The following PHKB variants were observed in gnomAD, a reference collection of about 807,000 sequenced individuals.
PHKB encodes phosphorylase b kinase regulatory subunit beta.
Under a neutral mutation model 152.1 loss-of-function variants are expected in PHKB, and 122 were observed. The observed-to-expected ratio is 0.80, with a 90% confidence interval of 0.69 to 0.93. PHKB has a LOEUF of 0.93. Ranked by LOEUF, PHKB falls within the 40% of genes least tolerant of loss-of-function variation. The pLI, the probability that PHKB is intolerant of heterozygous loss-of-function variation, is 0.00. For missense variants in PHKB, 1,304 were observed against 1,328.4 expected (o/e 0.98, Z 0.29); for synonymous variants, 436 against 464.9 (o/e 0.94, Z 0.80).
At chr16:47,676,692 A>G (rs1369339701) in intron 26 of PHKB, among the ~76,000 whole-genome samples, 2 of 152,192 alleles carry the variant, frequency 1.3e-5, no homozygotes, top group African/African-American at 2.4e-5. Context: ...CTTTACTGCT[A>G]TCAGGCACTC....
Position 47,596,427 on chromosome 16 carries a change from A to T in PHKB, c.1259A>T (p.Glu420Val). The change falls in exon 13 of 31, where the codon GAA becomes GTA. Residue 420 changes from glutamate to valine, a missense_variant. By Grantham distance (121) the Glu-to-Val change is moderately radical. Transcript: ENST00000323584. Reference protein sequence around the residue: ...YYVPADFVEYEKNNPGSQKRF... With the variant: ...YYVPADFVEYVKNNPGSQKRF... ...GTGCCAGCTGACTTTGTAGAATATG[A>T]AAAAAATAACCCTGGTAGTCAAAAA... 2.5e-6 allele frequency: 4 copies of T among 1,611,508 alleles called. No individual in the cohort carries two copies. Among genetic ancestry groups the T allele is most frequent in the Non-Finnish European group, 3.4e-6 (4 of 1,177,660 alleles).
chr16:47,620,922 A>G (rs1972607021), intron 14 of PHKB, among the ~76,000 whole-genome samples: 1 of 152,120 alleles, frequency 6.6e-6, no homozygotes, highest in African/African-American at 2.4e-5. Flanking sequence ...GAAGGGCAGG[A>G]CAGTATAATC....
At chr16:47,565,784 T>C (rs1359944871) in intron 7 of PHKB, 4 of 1,489,976 alleles carry the variant, frequency 2.7e-6, no homozygotes, top group African/African-American at 2.8e-5. Flanking sequence ...GCTGTTCTAC[T>C]TCTCTTTCTC....
At chr16:47,686,604 A>T (rs997525162) in intron 26 of PHKB, among the ~76,000 whole-genome samples, 1 of 152,222 alleles carries the variant, frequency 6.6e-6, no homozygotes. Context: ...GGTAAGTGAC[A>T]GAATTGGTAT....
At chr16:47,682,953 C>T (rs1033106562) in intron 26 of PHKB, among the ~76,000 whole-genome samples, 9 of 152,136 alleles carry the variant, frequency 5.9e-5, no homozygotes, top group African/African-American at 1.9e-4. Context: ...GTGTGGATGT[C>T]CTTTCTGTTT....
At chr16:47,462,015 C>T (rs902168917) in intron 1 of PHKB, 15 of 152,906 alleles carry the variant, frequency 9.8e-5, no homozygotes, top group Admixed American at 6.5e-4. Context: ...TCTTAAGTGG[C>T]CCCAGGTTGT....
At chr16:47,658,089 A>G (rs1202574888) in intron 20 of PHKB, among the ~76,000 whole-genome samples, 1 of 152,134 alleles carries the variant, frequency 6.6e-6, no homozygotes, top group African/African-American at 2.4e-5. Context: ...AGTTCTTCAA[A>G]TGGTCTATGT....
At chr16:47,638,155 T>C (rs536108369) in intron 14 of PHKB, among the ~76,000 whole-genome samples, 1 of 152,150 alleles carries the variant, frequency 6.6e-6, no homozygotes, top group African/African-American at 2.4e-5. Flanking sequence ...AAGAAGGTGT[T>C]AAGTCACCTG....
At chr16:47,665,879 C>T (rs561816262) in intron 25 of PHKB, 15 of 1,093,180 alleles carry the variant, frequency 1.4e-5, no homozygotes, top group Admixed American at 3.4e-5. Context: ...CCAATCAGGG[C>T]CCCATGCATT....
chr16:47,660,108 C>T (rs1973411717), intron 20 of PHKB, among the ~76,000 whole-genome samples: 1 of 152,156 alleles, frequency 6.6e-6, no homozygotes, highest in South Asian at 2.1e-4. Context: ...ATGATCCACC[C>T]GCCTTGACAC....
chr16:47,543,591 G>A (rs534282835), intron 6 of PHKB, among the ~76,000 whole-genome samples: 1 of 152,136 alleles, frequency 6.6e-6, no homozygotes, highest in Non-Finnish European at 1.5e-5. Context: ...GCTGCTCCTT[G>A]TACCTCTGGT....
chr16:47,651,046 T>A, intron 20 of PHKB, 125 bp downstream of exon 20: 1 of 739,678 alleles, frequency 1.4e-6, no homozygotes, highest in South Asian at 1.5e-5. Context: ...CCTATCTTCC[T>A]ATTCCTATTG....
chr16:47,603,240 C>T (rs1367718976), intron 13 of PHKB, among the ~76,000 whole-genome samples: 1 of 152,094 alleles, frequency 6.6e-6, no homozygotes, highest in Non-Finnish European at 1.5e-5. Flanking sequence ...TCTTACTGCT[C>T]CGTTCAAGAT....
Position 47,588,913 on chromosome 16 carries a change from T to A in PHKB, c.879T>A (p.Asp293Glu). 1 of 1,613,594 alleles carries A rather than the reference T, an allele frequency of 6.2e-7. No individual in the cohort carries two copies. Among genetic ancestry groups the A allele is most frequent in the Non-Finnish European group, 8.5e-7 (1 of 1,179,596 alleles). Residue 293 changes from aspartate (D) to glutamate (E), a missense_variant, in exon 10 of 31, where the codon GAT becomes GAA. Asp to Glu is a conservative substitution (Grantham distance 45). Transcript: ENST00000323584. ...LPRESRSHNTDAALLPCISYP... is the reference protein window; with the variant it reads ...LPRESRSHNTEAALLPCISYP... ...TTTCTCATTGCCTCCAGAATACAGA[T>A]GCTGCCCTGCTCCCCTGCATCAGTT... is the stretch of plus-strand genomic sequence containing the variant.
chr16:47,540,561 C>T (rs1020953890), intron 6 of PHKB, among the ~76,000 whole-genome samples: 5 of 151,732 alleles, frequency 3.3e-5, no homozygotes, highest in Admixed American at 6.6e-5. Context: ...GTGATGTCAC[C>T]CCTGGCGGCC....
At chr16:47,565,632 G>A in intron 7 of PHKB, 4 of 1,113,982 alleles carry the variant, frequency 3.6e-6, no homozygotes, top group Non-Finnish European at 5.5e-6. Context: ...AGAGGTCCCG[G>A]TCTGTGATGA....
At chr16:47,665,837 G>T in intron 25 of PHKB, 1 of 804,276 alleles carries the variant, frequency 1.2e-6, no homozygotes. Context: ...ATGATGATGT[G>T]AGGATTCCAC....
rs1970348748 is a variant in PHKB at position 47,503,017 on chromosome 16, C to T, written c.332C>T (p.Thr111Ile). ...CGAATTGATGATGACAAGGGAAGGA[C>T]CCATGAGCTGGAGCACTCAGCTATA... The part of the protein sequence containing the change: ...YRRIDDDKGR[T>I]HELEHSAIKC... Residue 111 changes from threonine to isoleucine, a missense_variant, in exon 4 of 31, where the codon ACC (threonine) becomes ATC (isoleucine). Thr to Ile is a moderately conservative substitution (Grantham distance 89, BLOSUM62 -1). Transcript: ENST00000323584. The T allele has an allele frequency of 1.9e-6, 3 of 1,612,918 alleles. No individual in the cohort carries two copies. The highest frequency in any genetic ancestry group is 2.7e-5 in the African/African-American group (2 of 75,018).
intron 20 of PHKB, among the ~76,000 whole-genome samples, chr16:47,656,091 A>G (rs1297782848): frequency 6.6e-6 from 1 of 151,362 alleles, no homozygotes; most frequent in Non-Finnish European, 1.5e-5. Flanking sequence ...ATCTTGGCTC[A>G]CTGCAACCTC....
Sources: allele counts gnomAD v4.1 joint callset (sites outside exome capture counted in the v4.1 genomes callset), GRCh38; gene constraint gnomAD v4.1.1; transcripts MANE v1.5; gene names NCBI Gene and HGNC (gene_info 2026-07-23, HGNC 2026-07-21).